The following SRFBP1 variants were observed in gnomAD, a reference collection of about 807,000 sequenced individuals.
SRFBP1 encodes serum response factor-binding protein 1.
In SRFBP1, 47 loss-of-function variants were observed where a neutral mutation model predicts 45.5. The observed-to-expected ratio is 1.03, with a 90% CI of 0.82 to 1.32. SRFBP1 has a LOEUF of 1.32. Ranked by LOEUF, SRFBP1 falls within the 40% of genes most tolerant of loss-of-function variation. SRFBP1 has a pLI of 0.00. For synonymous variants in SRFBP1, 203 were observed against 166.3 expected (o/e 1.22, Z -1.70); for missense variants, 621 against 484.6 (o/e 1.28, Z -2.64).
intron 4 of SRFBP1, 33 bp downstream of exon 4, chr5:121,994,703 A>T: frequency 7.1e-7 from 1 of 1,405,812 alleles, no homozygotes; most frequent in East Asian, 2.4e-5. Context: ...TTGTCTTATG[A>T]AAAGTTTCTC....
In SRFBP1 at chr5:122,020,650, G is replaced by C; in HGVS notation, c.915G>C (p.Lys305Asn). 6.2e-7 allele frequency: 1 copy of C among 1,613,824 alleles called. No individual in the cohort carries two copies. Among genetic ancestry groups the C allele is most frequent in the Non-Finnish European group, 8.5e-7 (1 of 1,179,908 alleles). The change falls in exon 6 of 8, where the codon AAG becomes AAC. Residue 305 changes from lysine to asparagine, a missense_variant. Coordinates refer to ENST00000339397, the MANE Select transcript of SRFBP1 (RefSeq NM_152546.3). ...KKESSCHSSV[K>N]EQKPLEKVFL... is the part of the protein sequence containing the mutation. ...AAAGTAGTTGTCATTCTTCAGTTAAGGAACAAAAACCACTAGAAAAAGTGT... is the reference window on the plus strand; with the variant it reads ...AAAGTAGTTGTCATTCTTCAGTTAACGAACAAAAACCACTAGAAAAAGTGT...
chr5:122,031,483 A>G (rs563558812), downstream of SRFBP1, among the ~76,000 whole-genome samples: 7 of 152,318 alleles, frequency 4.6e-5, no homozygotes, highest in Admixed American at 3.3e-4. Flanking sequence ...TGTTCAAAGA[A>G]CCAAAGTAAA....
At chr5:122,018,108 A>G (rs904978975) in intron 4 of SRFBP1, among the ~76,000 whole-genome samples, 1 of 152,222 alleles carries the variant, frequency 6.6e-6, no homozygotes, top group Non-Finnish European at 1.5e-5. Flanking sequence ...AGCCGTGTAT[A>G]TATTTGGGAG....
chr5:122,078,096 G>A (rs570124818), downstream of SRFBP1: 24 of 1,035,510 alleles, frequency 2.3e-5, no homozygotes, highest in South Asian at 5.3e-4. Context: ...GGAGGCGAGC[G>A]GAGCACGGGT....
intron 2 of SRFBP1, among the ~76,000 whole-genome samples, chr5:122,043,752 A>C (rs1424776836): frequency 6.6e-6 from 1 of 152,126 alleles, no homozygotes; most frequent in Non-Finnish European, 1.5e-5. Flanking sequence ...TAAATATTCT[A>C]GACTTTGCAG....
At chr5:122,055,982 A>G (rs766878971) in intron 2 of SRFBP1, among the ~76,000 whole-genome samples, 5 of 152,166 alleles carry the variant, frequency 3.3e-5, no homozygotes, top group South Asian at 4.1e-4. Flanking sequence ...AAGGTATCCA[A>G]ATTCCCTAAC....
chr5:122,013,365 G>A (rs1299791815), intron 4 of SRFBP1, among the ~76,000 whole-genome samples: 3 of 152,016 alleles, frequency 2.0e-5, no homozygotes, highest in African/African-American at 4.8e-5. Context: ...ATTTTCAAAT[G>A]TATATACACC....
At position 121,994,586 on chromosome 5, in the gene SRFBP1, T is replaced by C. The variant is rs370751638; in HGVS notation, c.199-13T>C. Reference sequence around the variant, plus strand: ...ACACATAACTAAAATTAATTTGTTTTATTCTTTCACAGGAATTGAAACCTG... The same window carrying C: ...ACACATAACTAAAATTAATTTGTTTCATTCTTTCACAGGAATTGAAACCTG... On this transcript the variant is annotated splice_polypyrimidine_tract_variant and intron_variant, in intron 3 of 7. Transcript: ENST00000339397. The C allele has an allele frequency of 7.3e-5, 115 of 1,573,742 alleles. No homozygotes were observed. The highest frequency in any genetic ancestry group is 1.1e-4 in the African/African-American group (8 of 73,148).
intron 3 of SRFBP1, among the ~76,000 whole-genome samples, chr5:121,981,260 G>T (rs1215054675): frequency 6.6e-6 from 1 of 152,000 alleles, no homozygotes; most frequent in Non-Finnish European, 1.5e-5. Flanking sequence ...GAAAAATGTA[G>T]CCAGTGAAGG....
At chr5:122,058,528 TAGTGTGTGTGTG>T (rs1339176401) in intron 2 of SRFBP1, among the ~76,000 whole-genome samples, 9 of 117,712 alleles carry the variant, frequency 7.6e-5, no homozygotes, top group Admixed American at 1.7e-4. Context: ...GACAATGAGA[TAGTGTGTGTGTG>T]TGTGTGTGTG....
At chr5:121,977,834 A>T (rs1752333780) in intron 3 of SRFBP1, among the ~76,000 whole-genome samples, 1 of 152,158 alleles carries the variant, frequency 6.6e-6, no homozygotes, top group Admixed American at 6.5e-5. Context: ...CTAAGAAAAA[A>T]AATTGGCTTG....
chr5:121,999,539 T>G (rs1341738962), intron 4 of SRFBP1, among the ~76,000 whole-genome samples: 1 of 152,130 alleles, frequency 6.6e-6, no homozygotes, highest in Non-Finnish European at 1.5e-5. Flanking sequence ...AGAGGTACGT[T>G]GGAACCTCCA....
chr5:121,985,496 T>A (rs1030922539), intron 3 of SRFBP1, among the ~76,000 whole-genome samples: 1 of 151,854 alleles, frequency 6.6e-6, no homozygotes, highest in Non-Finnish European at 1.5e-5. Flanking sequence ...CTGGTGTGTT[T>A]TTTTAATCTA....
chr5:121,967,784 A>C (rs1033745930), intron 1 of SRFBP1, among the ~76,000 whole-genome samples: 2 of 152,200 alleles, frequency 1.3e-5, no homozygotes, highest in Admixed American at 6.5e-5. Context: ...GGTTGTGATG[A>C]GTCGAGATCA....
chr5:122,008,631 CTCATCTGGTTTCGTTAGCTCTTGTAAAGG>C (rs1340226468), intron 4 of SRFBP1, among the ~76,000 whole-genome samples: 2 of 152,040 alleles, frequency 1.3e-5, no homozygotes, highest in Non-Finnish European at 2.9e-5. Flanking sequence ...GCTGTAATCT[CTCATCTGGTTTCGTTAGCTCTTGTAAAGG>C]TATTTTTTTG....
intron 7 of SRFBP1, among the ~76,000 whole-genome samples, chr5:122,025,823 G>A (rs143201980): frequency 6.6e-4 from 101 of 152,246 alleles, no homozygotes; most frequent in African/African-American, 2.0e-3. Context: ...CTGACAGGCC[G>A]AGCACGGTGG....
chr5:121,996,796 G>C (rs1309917462), intron 4 of SRFBP1, among the ~76,000 whole-genome samples: 2 of 131,888 alleles, frequency 1.5e-5, no homozygotes, highest in African/African-American at 3.1e-5. Context: ...TCCTTAAGCT[G>C]ATAAGCAACT....
At chr5:122,030,812 G>C (rs1299872420), downstream of SRFBP1, among the ~76,000 whole-genome samples, 2 of 152,060 alleles carry the variant, frequency 1.3e-5, no homozygotes, top group Middle Eastern at 3.2e-3. Flanking sequence ...TAATGAATCA[G>C]AGATTTCAAC....
chr5:121,995,932 C>G (rs921189560), intron 4 of SRFBP1, among the ~76,000 whole-genome samples: 4 of 152,102 alleles, frequency 2.6e-5, no homozygotes, highest in Non-Finnish European at 4.4e-5. Flanking sequence ...ATAAATTCCT[C>G]GACACATACA....
Sources: allele counts gnomAD v4.1 joint callset (sites outside exome capture counted in the v4.1 genomes callset), GRCh38; gene constraint gnomAD v4.1.1; transcripts MANE v1.5; gene names NCBI Gene and HGNC (gene_info 2026-07-23, HGNC 2026-07-21).